EVC: variants seen among roughly 807,000 people sequenced by gnomAD.
EVC encodes EvC ciliary complex subunit 1, also known as evC complex member EVC.
Under a neutral mutation model 118.9 loss-of-function variants are expected in EVC, and 116 were observed. The observed-to-expected ratio is 0.98, with a 90% CI of 0.84 to 1.14. The LOEUF is 1.14. EVC is among the 50% of genes most tolerant of loss of function. The pLI is 0.00. For synonymous variants in EVC, 619 were observed against 534.7 expected (o/e 1.16, Z -2.18); for missense variants, 1,401 against 1,246.4 (o/e 1.12, Z -1.87).
intron 2 of EVC, among the ~76,000 whole-genome samples, chr4:5,720,854 T>C (rs1050333349): frequency 3.3e-5 from 5 of 151,238 alleles, no homozygotes; most frequent in African/African-American, 4.9e-5. Context: ...AGTGAACAGG[T>C]AAGACATTAC....
rs57744543 is a variant in EVC at position 5,748,806 on chromosome 4, G to A, written c.1098+500G>A. ...CATCCATCCATCCATCCATCCATCC[G>A]TCTATCCAATGAGTGAAGGCTCTGG... is the stretch of plus-strand genomic sequence containing the variant. On this transcript the variant is annotated intron_variant, in intron 8 of 20. Coordinates refer to ENST00000264956, the MANE Select transcript of EVC (RefSeq NM_153717.3). 8.0e-3 allele frequency among the ~76,000 whole-genome samples: 428 copies of A among 53,602 alleles called. 32 individuals carry two copies. The highest frequency in any genetic ancestry group is 0.03 in the African/African-American group (354 of 11,964). 35.2% of individuals were successfully genotyped at this position (53,602 alleles called of 152,430 possible). A position where few individuals can be genotyped will look rare whatever the true frequency, so the allele number is the denominator to read the frequency against.
chr4:5,816,978 A>C (rs576222341), downstream of EVC, among the ~76,000 whole-genome samples: 1 of 152,270 alleles, frequency 6.6e-6, no homozygotes, highest in South Asian at 2.1e-4. Flanking sequence ...TTTCTCTGGA[A>C]ACCACTTAGC....
intron 11 of EVC, among the ~76,000 whole-genome samples, chr4:5,760,758 G>C (rs1019460222): frequency 6.6e-6 from 1 of 152,106 alleles, no homozygotes; most frequent in African/African-American, 2.4e-5. Context: ...CACCACGTTG[G>C]TCAGGCTGGT....
Position 5,797,105 on chromosome 4 carries a change from C to T in EVC, c.1970C>T (p.Ala657Val). The T allele has an allele frequency of 6.2e-7, 1 of 1,613,544 alleles. No individual in the cohort carries two copies. Among genetic ancestry groups the T allele is most frequent in the Non-Finnish European group, 8.5e-7 (1 of 1,179,994 alleles). ...CTGGCACTCCGCGGCAACGCCCTGGCCACCCTGACGCAGATGCGGCTATCG... is the reference window on the plus strand; with the variant it reads ...CTGGCACTCCGCGGCAACGCCCTGGTCACCCTGACGCAGATGCGGCTATCG... The part of the protein sequence containing the change: ...RRLALRGNAL[A>V]TLTQMRLSGK... The change falls in exon 14 of 21, where the codon GCC becomes GTC. Residue 657 changes from alanine (A) to valine (V), a missense_variant. Physicochemically the swap from Ala to Val is moderately conservative, Grantham distance 64. Coordinates refer to ENST00000264956, the MANE Select transcript of EVC (RefSeq NM_153717.3).
At chr4:5,815,720 G>A (rs1175310107), downstream of EVC, among the ~76,000 whole-genome samples, 14 of 152,276 alleles carry the variant, frequency 9.2e-5, no homozygotes, top group East Asian at 2.5e-3. Flanking sequence ...TCCCCTAAAT[G>A]TTTCCTCTAT....
the EVC span, chr4:5,826,057 T>G: frequency 1.8e-5 from 5 of 280,168 alleles, no homozygotes; most frequent in Non-Finnish European, 3.3e-5. Context: ...CATACTCACA[T>G]ATGTATACAC....
chr4:5,758,800 C>T (rs763725460), intron 11 of EVC, among the ~76,000 whole-genome samples: 6 of 152,160 alleles, frequency 3.9e-5, no homozygotes, highest in African/African-American at 4.8e-5. Context: ...TCAGTGTTGA[C>T]GGCTGTTGTG....
At chr4:5,822,798 C>A in the EVC span, among the ~76,000 whole-genome samples, 1 of 152,176 alleles carries the variant, frequency 6.6e-6, no homozygotes, top group Non-Finnish European at 1.5e-5. Context: ...CCTTCCTGTA[C>A]TCAACTTATC....
intron 12 of EVC, among the ~76,000 whole-genome samples, chr4:5,792,687 G>A (rs1435564362): frequency 6.6e-6 from 1 of 152,120 alleles, no homozygotes; most frequent in Non-Finnish European, 1.5e-5. Flanking sequence ...AAGCCAAAAG[G>A]ATCTACAAAC....
Position 5,731,363 on chromosome 4 carries a change from A to T in EVC, c.385-62A>T. 1.5e-6 allele frequency: 2 copies of T among 1,327,916 alleles called. No individual in the cohort carries two copies. The highest frequency in any genetic ancestry group is 1.1e-6 in the Non-Finnish European group (1 of 919,790). The allele number at this position is 1,327,916 out of a possible 1,614,324, so 82.3% of individuals were successfully genotyped here. On this transcript the variant is annotated intron_variant, in intron 3 of 20. Transcript: ENST00000264956. The surrounding 1 kb of genome is among the most constrained non-coding windows in gnomAD (Gnocchi z 5.6). The stretch of plus-strand genomic sequence containing the variant: ...AGCGTGAATCACTGGTAGAATTATG[A>T]ATACTAGATCAAATCCCAGAGGCAT...
At position 5,811,552 on chromosome 4, in the gene EVC, CAG is replaced by C. The variant is rs1308027707; in HGVS notation, c.*521_*522del. ...CCGGACAGTAGACACCCTGCCCGTGCAGAGAGATGTCATGGGGGCACCTGCTC... is the reference window on the plus strand; with the variant it reads ...CCGGACAGTAGACACCCTGCCCGTGCAGAGATGTCATGGGGGCACCTGCTC... On this transcript the variant is annotated 3_prime_UTR_variant, in exon 21 of 21. Coordinates refer to ENST00000264956, the MANE Select transcript of EVC (RefSeq NM_153717.3). 1.1e-5 allele frequency: 2 copies of C among 186,486 alleles called. No individual in the cohort carries two copies. Among genetic ancestry groups the C allele is most frequent in the South Asian group, 1.1e-4 (1 of 8,984 alleles). The allele number at this position is 186,486 out of a possible 1,614,324, so 11.6% of individuals were successfully genotyped here.
chr4:5,734,944 C>T (rs567687599), intron 5 of EVC, among the ~76,000 whole-genome samples: 6 of 152,266 alleles, frequency 3.9e-5, no homozygotes, highest in South Asian at 2.1e-4. Flanking sequence ...CCAGTTGTTT[C>T]TGGGCTCAGA....
chr4:5,816,606 C>T (rs972171778), downstream of EVC, among the ~76,000 whole-genome samples: 2 of 143,132 alleles, frequency 1.4e-5, no homozygotes, highest in Non-Finnish European at 3.1e-5. Flanking sequence ...TTTCCTTACC[C>T]CCTCTGTCCT....
intron 12 of EVC, among the ~76,000 whole-genome samples, chr4:5,791,159 A>G (rs930306129): frequency 1.3e-5 from 2 of 152,228 alleles, no homozygotes; most frequent in African/African-American, 2.4e-5. Flanking sequence ...TTAATGGAAT[A>G]GCAGATTAAA....
intron 11 of EVC, among the ~76,000 whole-genome samples, chr4:5,775,664 A>G (rs1479775774): frequency 6.6e-6 from 1 of 152,172 alleles, no homozygotes; most frequent in African/African-American, 2.4e-5. Flanking sequence ...ATACACTGCC[A>G]TACATTTACC....
intron 11 of EVC, among the ~76,000 whole-genome samples, chr4:5,771,478 C>G (rs1229509494): frequency 6.6e-6 from 1 of 152,164 alleles, no homozygotes; most frequent in Non-Finnish European, 1.5e-5. Context: ...AACTCAGTCC[C>G]ACCTGCGAAG....
At position 5,768,073 on chromosome 4, in the gene EVC, ATTG is replaced by A. The variant is rs1233947963; in HGVS notation, c.1563+11712_1563+11714del. Among the ~76,000 whole-genome samples the A allele has an allele frequency of 4.7e-3, 712 of 152,244 alleles. 7 individuals are homozygous for A. Among genetic ancestry groups the A allele is most frequent in the African/African-American group, 0.016 (679 of 41,508 alleles). ...TTTGTGCAGCATGTGTATGCTTGGC[ATTG>A]CAGCAGCAGCAGCAGTGAGGCCAGT... On this transcript the variant is annotated intron_variant, in intron 11 of 20. Transcript: ENST00000264956.
chr4:5,810,448 C>G lies in EVC; in HGVS notation c.2892C>G (p.Leu964=). The G allele has an allele frequency of 1.2e-6, 2 of 1,609,178 alleles. No homozygotes were observed. The highest frequency in any genetic ancestry group is 1.7e-6 in the Non-Finnish European group (2 of 1,177,978). ...CCGGGGACCAGACCTCAGGCTCACT[C>G]AGGTATGACTGGGCCCCGGACCTGT... The part of the protein sequence containing the change: ...LASGDQTSGS[L]SSKRLSQQES... Residue 964 remains leucine, a splice_region_variant and synonymous_variant, in exon 20 of 21, where the codon CTC becomes CTG. Coordinates refer to ENST00000264956, the MANE Select transcript of EVC (RefSeq NM_153717.3).
At chr4:5,824,478 G>T in the EVC span, 1 of 984,956 alleles carries the variant, frequency 1.0e-6, no homozygotes, top group South Asian at 4.7e-5. Flanking sequence ...GAATTCACAC[G>T]TCATCCTCTC....
Sources: allele counts gnomAD v4.1 joint callset (sites outside exome capture counted in the v4.1 genomes callset), GRCh38; gene constraint gnomAD v4.1.1; non-coding constraint Gnocchi (gnomAD v3.1); transcripts MANE v1.5; gene names NCBI Gene and HGNC (gene_info 2026-07-23, HGNC 2026-07-21).